The following AK5 variants were observed in gnomAD, a reference collection of about 807,000 sequenced individuals.
AK5 encodes adenylate kinase 5, also known as adenylate kinase isoenzyme 5.
A neutral mutation model predicts 69.5 loss-of-function variants in AK5; 27 were observed. The observed-to-expected ratio is 0.39, with a 90% confidence interval of 0.29 to 0.54. The LOEUF (loss-of-function observed/expected upper bound fraction) is 0.54, where lower values mean the gene tolerates loss of function less well. AK5 is among the 20% of genes least tolerant of loss of function. The pLI is 0.71. For missense variants in AK5, 531 were observed against 700.4 expected (o/e 0.76, Z 2.73); for synonymous variants, 260 against 244.4 (o/e 1.06, Z -0.60).
chr1:77,550,229 G>A (rs761940745), intron 13 of AK5, among the ~76,000 whole-genome samples: 4 of 152,160 alleles, frequency 2.6e-5, no homozygotes, highest in Non-Finnish European at 5.9e-5. Flanking sequence ...ACAGGCGTGA[G>A]CCATTCCATC....
intron 10 of AK5, among the ~76,000 whole-genome samples, chr1:77,506,436 G>A (rs895429633): frequency 6.6e-6 from 1 of 152,082 alleles, no homozygotes; most frequent in Admixed American, 6.5e-5. Flanking sequence ...GCTGTAGGAG[G>A]TCACCAGCTT....
At chr1:77,538,554 G>C (rs908467177) in intron 13 of AK5, among the ~76,000 whole-genome samples, 1 of 148,800 alleles carries the variant, frequency 6.7e-6, no homozygotes, top group African/African-American at 2.5e-5. Flanking sequence ...GGATGCTAAG[G>C]CAGAAGAATT....
intron 8 of AK5, among the ~76,000 whole-genome samples, chr1:77,421,850 T>G (rs965721426): frequency 6.6e-6 from 1 of 152,164 alleles, no homozygotes; most frequent in Non-Finnish European, 1.5e-5. Flanking sequence ...CCATGGCCCC[T>G]TCTCTCCTAA....
At chr1:77,534,752 G>A (rs896891425) in intron 12 of AK5, among the ~76,000 whole-genome samples, 2 of 152,314 alleles carry the variant, frequency 1.3e-5, no homozygotes, top group Non-Finnish European at 2.9e-5. Flanking sequence ...GAGTTCAGGA[G>A]TTCAAGACTG....
intron 8 of AK5, among the ~76,000 whole-genome samples, chr1:77,475,437 A>G (rs868647511): frequency 1.2e-4 from 1 of 8,106 alleles, no homozygotes; most frequent in Non-Finnish European, 3.1e-4. Context: ...ATATATATGT[A>G]TATATATTAT....
chr1:77,538,100 G>A (rs1256475768), intron 13 of AK5, among the ~76,000 whole-genome samples: 1 of 152,126 alleles, frequency 6.6e-6, no homozygotes, highest in African/African-American at 2.4e-5. Context: ...TTCTTTGGGA[G>A]GCCAAGACAG....
intron 6 of AK5, among the ~76,000 whole-genome samples, chr1:77,387,685 T>C (rs1456765807): frequency 6.6e-6 from 1 of 152,210 alleles, no homozygotes; most frequent in African/African-American, 2.4e-5. Context: ...TCTTCATTTA[T>C]AGGTGAAGAA....
chr1:77,475,401 ATAT>A, intron 8 of AK5, among the ~76,000 whole-genome samples: 1 of 7,668 alleles, frequency 1.3e-4, no homozygotes, highest in Admixed American at 3.2e-3. Context: ...TATATATAAT[ATAT>A]ATGTATATAT....
chr1:77,558,477 T>TG (rs10700476), intron 13 of AK5, 125 bp from the exon 14 acceptor site: 78,297 of 489,120 alleles, frequency 0.16, 2,358 homozygotes, highest in African/African-American at 0.21. Flanking sequence ...CTCTGTGTTT[T>TG]GGGGGGGGTC....
intron 6 of AK5, among the ~76,000 whole-genome samples, chr1:77,404,020 C>G (rs553768944): frequency 1.3e-5 from 2 of 152,078 alleles, no homozygotes; most frequent in South Asian, 2.1e-4. Flanking sequence ...TCACATCCCT[C>G]GTAAGTTGGA....
At chr1:77,419,558 G>A (rs1387957520) in intron 8 of AK5, among the ~76,000 whole-genome samples, 8 of 152,064 alleles carry the variant, frequency 5.3e-5, no homozygotes, top group South Asian at 2.1e-4. Context: ...CAAAAATATC[G>A]TCAATTGAAA....
At chr1:77,475,207 G>C (rs1286172524) in intron 8 of AK5, among the ~76,000 whole-genome samples, 2 of 143,294 alleles carry the variant, frequency 1.4e-5, no homozygotes, top group Admixed American at 1.4e-4. Flanking sequence ...GTGTGTGTGT[G>C]TGTGTGTATT....
chr1:77,325,827 A>C (rs1343871597), intron 5 of AK5, among the ~76,000 whole-genome samples: 1 of 151,964 alleles, frequency 6.6e-6, no homozygotes, highest in Non-Finnish European at 1.5e-5. Flanking sequence ...TGAAGTGGAC[A>C]CCTATCAGTG....
chr1:77,519,630 C>G (rs1306941462), intron 11 of AK5, among the ~76,000 whole-genome samples: 1 of 152,188 alleles, frequency 6.6e-6, no homozygotes, highest in African/African-American at 2.4e-5. Context: ...TACTGGTTAC[C>G]CATTTTATGT....
chr1:77,536,434 A>G (rs1658975070), intron 13 of AK5, among the ~76,000 whole-genome samples: 1 of 152,214 alleles, frequency 6.6e-6, no homozygotes, highest in African/African-American at 2.4e-5. Context: ...AGCCTGGGCA[A>G]CAGAGCAAGA....
chr1:77,366,730 C>T (rs1190012827), intron 6 of AK5, among the ~76,000 whole-genome samples: 3 of 152,108 alleles, frequency 2.0e-5, no homozygotes, highest in Non-Finnish European at 4.4e-5. Flanking sequence ...CAGGAAAGAA[C>T]GTGTGATTTT....
At chr1:77,457,787 C>T (rs1470781145) in intron 8 of AK5, among the ~76,000 whole-genome samples, 1 of 152,132 alleles carries the variant, frequency 6.6e-6, no homozygotes, top group African/African-American at 2.4e-5. Flanking sequence ...GCCTGGGGGC[C>T]ACTGGAGTAG....
chr1:77,442,876 T>C (rs1434122724), intron 8 of AK5, among the ~76,000 whole-genome samples: 1 of 152,144 alleles, frequency 6.6e-6, no homozygotes, highest in Non-Finnish European at 1.5e-5. Context: ...GAAGCATTTT[T>C]TGTGTCAAGT....
At chr1:77,343,409 C>T (rs1414593415) in intron 6 of AK5, among the ~76,000 whole-genome samples, 1 of 152,180 alleles carries the variant, frequency 6.6e-6, no homozygotes, top group African/African-American at 2.4e-5. Context: ...TGATGCCCTA[C>T]AAGGTATAGC....
Sources: allele counts gnomAD v4.1 joint callset (sites outside exome capture counted in the v4.1 genomes callset), GRCh38; gene constraint gnomAD v4.1.1; transcripts MANE v1.5; gene names NCBI Gene and HGNC (gene_info 2026-07-23, HGNC 2026-07-21).